Variants in CNST observed in about 807,000 individuals in gnomAD.
The protein encoded by CNST is consortin.
Under a neutral mutation model 72.4 loss-of-function variants are expected in CNST, and 39 were observed. That is an observed-to-expected ratio of 0.54 (90% confidence interval 0.42 to 0.70). The LOEUF is 0.70. CNST is among the 30% of genes least tolerant of loss of function. The pLI is 0.00. For missense variants in CNST, 871 were observed against 868.5 expected, an observed-to-expected ratio of 1.00 and a Z score of -0.04; for synonymous variants, 332 against 320.1, an observed-to-expected ratio of 1.04 and a Z score of -0.40.
intron 2 of CNST, among the ~76,000 whole-genome samples, chr1:246,619,239 T>G (rs1663894491): frequency 6.6e-6 from 1 of 152,246 alleles, no homozygotes; most frequent in African/African-American, 2.4e-5. Context: ...CTTTTGGTTT[T>G]GCTGCTATGG....
At chr1:246,627,335 C>A (rs570379860) in intron 3 of CNST, among the ~76,000 whole-genome samples, 2 of 152,224 alleles carry the variant, frequency 1.3e-5, no homozygotes, top group African/African-American at 4.8e-5. Flanking sequence ...CTAAAATTCT[C>A]CTTAACTCAC....
At chr1:246,664,513 G>A (rs1391808755) in intron 10 of CNST, among the ~76,000 whole-genome samples, 1 of 151,060 alleles carries the variant, frequency 6.6e-6, no homozygotes, top group Non-Finnish European at 1.5e-5. Context: ...TGCAACCTCC[G>A]CCTCCCAGGT....
chr1:246,612,321 C>A (rs1382546780), intron 2 of CNST, among the ~76,000 whole-genome samples: 1 of 152,170 alleles, frequency 6.6e-6, no homozygotes, highest in Admixed American at 6.5e-5. Flanking sequence ...TCTGCCTCAG[C>A]CTCCCAAGTA....
intron 3 of CNST, among the ~76,000 whole-genome samples, chr1:246,629,511 G>A (rs116554315): frequency 6.6e-6 from 1 of 152,114 alleles, no homozygotes; most frequent in Non-Finnish European, 1.5e-5. Context: ...GAAATCTGGT[G>A]ACATAATAGT....
chr1:246,601,576 C>T (rs1393789679), intron 2 of CNST, among the ~76,000 whole-genome samples: 2 of 152,074 alleles, frequency 1.3e-5, no homozygotes, highest in African/African-American at 2.4e-5. Flanking sequence ...GGGTGAATCA[C>T]CTGAGGTCAG....
At chr1:246,626,066 C>CT (rs113438721) in intron 3 of CNST, among the ~76,000 whole-genome samples, 53 of 145,448 alleles carry the variant, frequency 3.6e-4, no homozygotes, top group East Asian at 6.0e-4. Context: ...CCATATTTTC[C>CT]TTTTTTTTTT....
intron 1 of CNST, among the ~76,000 whole-genome samples, chr1:246,581,287 C>T (rs754858171): frequency 5.3e-5 from 8 of 151,508 alleles, no homozygotes; most frequent in Admixed American, 1.3e-4. Context: ...TTTTTTGAGA[C>T]GGAGTTTTGC....
At position 246,621,704 on chromosome 1, in the gene CNST, T is replaced by C; in HGVS notation, c.585+70T>C. On this transcript the variant is annotated intron_variant, in intron 3 of 10. Coordinates refer to ENST00000366513, the MANE Select transcript of CNST (RefSeq NM_152609.3). ...TAGCAGTGTTTGGAATGATCTAAAA[T>C]GCTGTCTTGGCTGGGCGCAGTGGCT... 6.6e-6 allele frequency: 9 copies of C among 1,364,382 alleles called. No individual in the cohort carries two copies. In the South Asian group the frequency reaches 1.0e-4, roughly 16 times the overall value. The allele number at this position is 1,364,382 out of a possible 1,614,324, so 84.5% of individuals were successfully genotyped here. A position where few individuals can be genotyped will look rare whatever the true frequency, so the allele number is the denominator to read the frequency against.
At chr1:246,643,462 C>T (rs1219492811) in intron 8 of CNST, among the ~76,000 whole-genome samples, 1 of 152,184 alleles carries the variant, frequency 6.6e-6, no homozygotes, top group East Asian at 1.9e-4. Flanking sequence ...ACAGGCTGTG[C>T]ATTTGAGTTT....
In CNST at chr1:246,667,846, C is replaced by T. The variant is rs760847310; in HGVS notation, c.*1941C>T. ...TGTCAAAATAAGTTAAAACTTCCCTCCTGTTCACCTCTTGGGTCTCTATCC... is the reference window on the plus strand; with the variant it reads ...TGTCAAAATAAGTTAAAACTTCCCTTCTGTTCACCTCTTGGGTCTCTATCC... On this transcript the variant is annotated 3_prime_UTR_variant, in exon 11 of 11. Coordinates refer to ENST00000366513, the MANE Select transcript of CNST (RefSeq NM_152609.3). 6.6e-5 allele frequency: 10 copies of T among 152,194 alleles called. No individual in the cohort carries two copies. The highest frequency in any genetic ancestry group is 8.8e-5 in the Non-Finnish European group (6 of 68,048). 9.4% of individuals were successfully genotyped at this position (152,194 alleles called of 1,614,324 possible).
chr1:246,601,887 T>G (rs763843802), intron 2 of CNST, among the ~76,000 whole-genome samples: 3 of 152,162 alleles, frequency 2.0e-5, no homozygotes, highest in Non-Finnish European at 2.9e-5. Context: ...TGTGTGTGTG[T>G]GGAATGGAAT....
chr1:246,629,011 T>A (rs1427437339), intron 3 of CNST, among the ~76,000 whole-genome samples: 1 of 152,120 alleles, frequency 6.6e-6, no homozygotes, highest in African/African-American at 2.4e-5. Context: ...AGTCTCTCTG[T>A]TTTTTTTATT....
chr1:246,567,906 A>G (rs577758069), intron 1 of CNST, among the ~76,000 whole-genome samples: 2 of 152,244 alleles, frequency 1.3e-5, no homozygotes, highest in East Asian at 1.9e-4. Context: ...TTCCCCCTCC[A>G]GGACCTGGAG....
At chr1:246,586,259 T>C (rs1007022913) in intron 1 of CNST, among the ~76,000 whole-genome samples, 1 of 147,666 alleles carries the variant, frequency 6.8e-6, no homozygotes, top group Non-Finnish European at 1.5e-5. Flanking sequence ...ATATTATATA[T>C]AAAGCTATAT....
At chr1:246,569,887 G>A (rs190915374) in intron 1 of CNST, 39 of 964,938 alleles carry the variant, frequency 4.0e-5, no homozygotes, top group East Asian at 3.4e-4. Flanking sequence ...AGTTTCTGTC[G>A]ACTAAATTGT....
intron 9 of CNST, among the ~76,000 whole-genome samples, chr1:246,650,944 C>T (rs1020419921): frequency 5.9e-5 from 9 of 152,156 alleles, no homozygotes; most frequent in African/African-American, 2.2e-4. Context: ...TACCAAAGTG[C>T]TGGGATTACA....
chr1:246,655,485 A>G (rs1666726737), intron 9 of CNST, among the ~76,000 whole-genome samples: 1 of 152,188 alleles, frequency 6.6e-6, no homozygotes, highest in Non-Finnish European at 1.5e-5. Flanking sequence ...GATTAATCAA[A>G]TGACACAAAG....
chr1:246,592,257 T>A (rs1572139442), intron 2 of CNST, among the ~76,000 whole-genome samples: 2 of 152,054 alleles, frequency 1.3e-5, no homozygotes, highest in Admixed American at 1.3e-4. Flanking sequence ...GAGGCCGAGG[T>A]GGGCGGATTA....
chr1:246,634,749 G>A (rs1206141249), intron 6 of CNST, among the ~76,000 whole-genome samples, 162 bp downstream of exon 6: 3 of 152,236 alleles, frequency 2.0e-5, no homozygotes, highest in African/African-American at 7.2e-5. Flanking sequence ...AACCCCGGGA[G>A]CGCGCCAACA....
Sources: gnomAD v4.1 joint callset for allele counts (sites outside exome capture counted in the v4.1 genomes callset) on GRCh38, gnomAD v4.1.1 for gene constraint, MANE v1.5 for transcripts, NCBI Gene and HGNC (gene_info 2026-07-23, HGNC 2026-07-21) for gene names.